YWHAE: variants seen among roughly 807,000 people sequenced by gnomAD.
YWHAE encodes the protein tyrosine 3-monooxygenase/tryptophan 5-monooxygenase activation protein epsilon.
A neutral mutation model predicts 30.1 loss-of-function variants in YWHAE; 4 were observed. The observed-to-expected ratio is 0.13, with a 90% CI of 0.07 to 0.30. The LOEUF is 0.30. YWHAE is among the 10% of genes least tolerant of loss of function. The pLI is 1.00. For missense variants in YWHAE, 121 were observed against 315.9 expected (o/e 0.38, Z 4.68); for synonymous variants, 118 against 111.8 (o/e 1.06, Z -0.35).
At chr17:1,348,981 G>A (rs1218840887) in intron 5 of YWHAE, among the ~76,000 whole-genome samples, 1 of 151,134 alleles carries the variant, frequency 6.6e-6, no homozygotes, top group Admixed American at 6.6e-5. Flanking sequence ...AGCCAAGATA[G>A]CACCACTGCA....
At chr17:1,347,021 A>G (rs923318292) in intron 5 of YWHAE, among the ~76,000 whole-genome samples, 4 of 147,700 alleles carry the variant, frequency 2.7e-5, no homozygotes, top group Non-Finnish European at 6.0e-5. Context: ...AAATAAAACT[A>G]AAAGTAAAAA....
At chr17:1,388,114 G>GTTTTTTT (rs1567983280) in intron 1 of YWHAE, among the ~76,000 whole-genome samples, 1 of 40,328 alleles carries the variant, frequency 2.5e-5, no homozygotes, top group Non-Finnish European at 4.0e-5. Context: ...TTTTTTTTTG[G>GTTTTTTT]TTGGTTTTTT....
At chr17:1,391,124 C>T (rs1257315993) in intron 1 of YWHAE, among the ~76,000 whole-genome samples, 1 of 152,204 alleles carries the variant, frequency 6.6e-6, no homozygotes, top group African/African-American at 2.4e-5. Context: ...AGAAAACCAA[C>T]ACACTAGGTG....
chr17:1,355,779 A>C (rs546441612), intron 4 of YWHAE, among the ~76,000 whole-genome samples: 127 of 152,298 alleles, frequency 8.3e-4, no homozygotes, highest in African/African-American at 2.9e-3. Context: ...TCATGCCTGT[A>C]ATCAGCACAC....
At chr17:1,355,923 C>T (rs2072732743) in intron 4 of YWHAE, among the ~76,000 whole-genome samples, 1 of 151,964 alleles carries the variant, frequency 6.6e-6, no homozygotes. Context: ...AATCCCAGCA[C>T]TTTGGGAGGC....
intron 5 of YWHAE, among the ~76,000 whole-genome samples, chr17:1,353,302 G>C (rs2150840523): frequency 6.6e-6 from 1 of 152,024 alleles, no homozygotes; most frequent in South Asian, 2.1e-4. Context: ...GCCAGGCGTG[G>C]TGGCAGGCAC....
At chr17:1,370,856 C>T (rs973093058) in intron 1 of YWHAE, among the ~76,000 whole-genome samples, 1 of 151,804 alleles carries the variant, frequency 6.6e-6, no homozygotes, top group Non-Finnish European at 1.5e-5. Context: ...AAAAATCAGC[C>T]GGGCATGGTG....
intron 5 of YWHAE, among the ~76,000 whole-genome samples, chr17:1,346,910 G>C (rs2072528493): frequency 6.7e-6 from 1 of 149,370 alleles, no homozygotes; most frequent in Admixed American, 6.7e-5. Context: ...AGAATTGCTT[G>C]AACCCAGGAG....
rs556302453 is a variant in YWHAE at position 1,370,932 on chromosome 17, G to A, written c.65-5874C>T. Among the ~76,000 whole-genome samples, 9 of 152,062 alleles carry A rather than the reference G, an allele frequency of 5.9e-5. No individual in the cohort carries two copies. The South Asian group carries it at 8.3e-4, about 14-fold the overall frequency. ...GGAGAATGGTGTGAACCCGGGAGGC[G>A]GAGCTGCAGTGAGCTGAGATAGTGC... On this transcript the variant is annotated intron_variant, in intron 1 of 5. Coordinates refer to ENST00000264335, the MANE Select transcript of YWHAE (RefSeq NM_006761.5).
intron 1 of YWHAE, among the ~76,000 whole-genome samples, chr17:1,371,842 T>C (rs911354407): frequency 6.6e-6 from 1 of 150,910 alleles, no homozygotes; most frequent in African/African-American, 2.4e-5. Context: ...CCCTGTACTT[T>C]TTTTTTTTTT....
At chr17:1,373,623 G>A (rs1034004429) in intron 1 of YWHAE, among the ~76,000 whole-genome samples, 15 of 151,704 alleles carry the variant, frequency 9.9e-5, no homozygotes, top group Admixed American at 2.0e-4. Context: ...AGTAGAGATC[G>A]TGGCACTGCA....
chr17:1,394,452 A>AAAAAAAAAAC (rs1567987858), intron 1 of YWHAE, among the ~76,000 whole-genome samples: 12 of 150,286 alleles, frequency 8.0e-5, no homozygotes, highest in African/African-American at 3.0e-4. Context: ...AAAAAAAAAA[A>AAAAAAAAAAC]AAAAAAAAAC....
At chr17:1,347,978 GA>G in intron 5 of YWHAE, 1 of 1,012,068 alleles carries the variant, frequency 9.9e-7, no homozygotes, top group Non-Finnish European at 1.2e-6. Context: ...GAGTTTTTAG[GA>G]AAGGAAGAGT....
intron 1 of YWHAE, among the ~76,000 whole-genome samples, chr17:1,372,272 G>A (rs569621720): frequency 6.6e-6 from 1 of 152,342 alleles, no homozygotes; most frequent in East Asian, 1.9e-4. Context: ...GAGTTAGAGG[G>A]TTGGTCTGAA....
intron 5 of YWHAE, 87 bp from the exon 6 acceptor site, chr17:1,345,586 A>G (rs2072503422): frequency 7.2e-7 from 1 of 1,385,910 alleles, no homozygotes; most frequent in Non-Finnish European, 1.0e-6. Flanking sequence ...TCCAAGCATA[A>G]AGACTCTTCT....
chr17:1,345,643 C>G (rs1311863554), intron 5 of YWHAE, 144 bp from the exon 6 acceptor site: 31 of 777,476 alleles, frequency 4.0e-5, no homozygotes, highest in Non-Finnish European at 6.3e-6. Context: ...TTCTATCATC[C>G]TTGACACCTG....
intron 5 of YWHAE, among the ~76,000 whole-genome samples, chr17:1,349,663 G>A (rs1289553787): frequency 2.0e-5 from 3 of 151,656 alleles, no homozygotes; most frequent in Non-Finnish European, 2.9e-5. Flanking sequence ...GCCCAGGCTG[G>A]AGTGCAGTGG....
At chr17:1,370,024 G>A (rs1030587176) in intron 1 of YWHAE, among the ~76,000 whole-genome samples, 1 of 151,452 alleles carries the variant, frequency 6.6e-6, no homozygotes, top group Non-Finnish European at 1.5e-5. Context: ...GCCGTGGCAA[G>A]ACAATGAAGT....
At position 1,364,098 on chromosome 17, in the gene YWHAE, A is replaced by G. The variant is rs75671148; in HGVS notation, c.264+761T>C. Among the ~76,000 whole-genome samples, 436 of 152,270 alleles carry G rather than the reference A, an allele frequency of 2.9e-3. 2 individuals carry two copies. Among genetic ancestry groups the G allele is most frequent in the African/African-American group, 0.01 (417 of 41,552 alleles). ...GATGGCTGTCCAACTTTTTTTTAAC[A>G]AGACCTACAATAAGAAACATTTTAT... On this transcript the variant is annotated intron_variant, in intron 2 of 5. Coordinates refer to ENST00000264335, the MANE Select transcript of YWHAE (RefSeq NM_006761.5).
Sources: gnomAD v4.1 joint callset for allele counts (sites outside exome capture counted in the v4.1 genomes callset) on GRCh38, gnomAD v4.1.1 for gene constraint, MANE v1.5 for transcripts, NCBI Gene and HGNC (gene_info 2026-07-23, HGNC 2026-07-21) for gene names.